Variants in PALD1 observed in about 807,000 individuals in gnomAD.
PALD1 encodes paladin.
Under a neutral mutation model 96.0 loss-of-function variants are expected in PALD1, and 57 were observed. That is an observed-to-expected ratio of 0.59 (90% CI 0.48 to 0.74). The LOEUF is 0.74. PALD1 is among the 30% of genes least tolerant of loss of function. The pLI, the probability that PALD1 is intolerant of heterozygous loss-of-function variation, is 0.00. For synonymous variants in PALD1, 464 were observed against 473.6 expected (o/e 0.98, Z 0.26); for missense variants, 1,063 against 1,143.7 (o/e 0.93, Z 1.02).
rs115135566 is a variant in PALD1 at position 70,531,353 on chromosome 10, G to T, written c.532G>T (p.Val178Leu). ...TTTCCTGCGTGCAGATGAGGACTTT[G>T]TGTCCTACACACCTCGAGACAAGCA... Reference protein sequence around the residue: ...VLFLRADEDFVSYTPRDKQNL... With the variant: ...VLFLRADEDFLSYTPRDKQNL... Residue 178 changes from valine to leucine, a missense_variant, in exon 5 of 20, where the codon GTG becomes TTG. Coordinates refer to ENST00000263563, the MANE Select transcript of PALD1 (RefSeq NM_014431.3). 6.2e-7 allele frequency: 1 copy of T among 1,613,930 alleles called. No individual in the cohort carries two copies. Among genetic ancestry groups the T allele is most frequent in the Non-Finnish European group, 8.5e-7 (1 of 1,179,822 alleles).
chr10:70,520,683 TTC>T (rs1846713469), intron 1 of PALD1, among the ~76,000 whole-genome samples: 3 of 109,820 alleles, frequency 2.7e-5, no homozygotes, highest in South Asian at 6.0e-4. Flanking sequence ...TTTTCTTTCT[TTC>T]TTTTTTTTTT....
At chr10:70,531,490 C>T (rs373470835) in intron 5 of PALD1, 36 bp downstream of exon 5, 1 of 1,580,308 alleles carries the variant, frequency 6.3e-7, no homozygotes, top group African/African-American at 1.4e-5. Flanking sequence ...GACCCCAGCC[C>T]ACAGCCCAGC....
chr10:70,478,048 G>C (rs537223737), upstream of PALD1, among the ~76,000 whole-genome samples: 15 of 152,050 alleles, frequency 9.9e-5, no homozygotes, highest in East Asian at 3.9e-4. Context: ...GGAGTGGTGG[G>C]GGGGGCAGGC....
the PALD1 span, among the ~76,000 whole-genome samples, chr10:70,463,220 C>T: frequency 2.0e-4 from 30 of 152,242 alleles, no homozygotes; most frequent in East Asian, 5.8e-4. Flanking sequence ...CTGGCTAACA[C>T]GGTGAAAACC....
intron 18 of PALD1, among the ~76,000 whole-genome samples, chr10:70,555,192 C>T (rs963344017): frequency 2.0e-5 from 3 of 150,296 alleles, no homozygotes; most frequent in African/African-American, 7.4e-5. Flanking sequence ...CCAGGCTGGT[C>T]TCAAACTCCT....
intron 1 of PALD1, among the ~76,000 whole-genome samples, chr10:70,516,735 A>G (rs902806705): frequency 2.0e-5 from 3 of 150,844 alleles, no homozygotes; most frequent in African/African-American, 7.3e-5. Context: ...TTTTCTTTCT[A>G]TCTTTGGCAG....
At chr10:70,475,729 C>T (rs1016147444), upstream of PALD1, among the ~76,000 whole-genome samples, 6 of 152,146 alleles carry the variant, frequency 3.9e-5, no homozygotes. Context: ...GTTCCCACAG[C>T]TCATGTTTTT....
intron 1 of PALD1, among the ~76,000 whole-genome samples, chr10:70,489,471 GGT>G (rs1352448633): frequency 6.6e-6 from 1 of 152,174 alleles, no homozygotes; most frequent in Non-Finnish European, 1.5e-5. Context: ...AATCCTGTGT[GGT>G]GGTTCCAGGG....
intron 1 of PALD1, among the ~76,000 whole-genome samples, chr10:70,495,652 G>A (rs1424795775): frequency 6.6e-6 from 1 of 152,054 alleles, no homozygotes; most frequent in East Asian, 1.9e-4. Context: ...AAGGGCATAA[G>A]CGTTTTCTCT....
Position 70,539,858 on chromosome 10 carries a change from G to C in PALD1, c.1908+96G>C. On this transcript the variant is annotated intron_variant, in intron 15 of 19. Coordinates refer to ENST00000263563, the MANE Select transcript of PALD1 (RefSeq NM_014431.3). This position sits in a 1 kb window ranked among gnomAD's most constrained non-coding sequence, Gnocchi z 4.5. Reference sequence around the variant, plus strand: ...GCTCTGGGAGAATGAAACGACCCCAGCTTCTCTACGGGGCCCGGGAATGGT... The same window carrying C: ...GCTCTGGGAGAATGAAACGACCCCACCTTCTCTACGGGGCCCGGGAATGGT... 9.0e-7 allele frequency: 1 copy of C among 1,108,270 alleles called. No individual in the cohort carries two copies. Among genetic ancestry groups the C allele is most frequent in the South Asian group, 1.4e-5 (1 of 69,744 alleles). 68.7% of individuals were successfully genotyped at this position (1,108,270 alleles called of 1,614,324 possible).
intron 1 of PALD1, among the ~76,000 whole-genome samples, chr10:70,499,777 G>A (rs1414101054): frequency 6.6e-6 from 1 of 152,208 alleles, no homozygotes; most frequent in Non-Finnish European, 1.5e-5. Context: ...TGATGGGCTG[G>A]TGTGAGCCTA....
chr10:70,498,328 C>T (rs551273468), intron 1 of PALD1, among the ~76,000 whole-genome samples: 27 of 152,260 alleles, frequency 1.8e-4, no homozygotes, highest in South Asian at 6.2e-4. Context: ...AGAGCTAGAG[C>T]GAGCACAGTG....
At position 70,534,470 on chromosome 10, in the gene PALD1, G is replaced by C. The variant is rs752876182; in HGVS notation, c.1068G>C (p.Gln356His). The C allele has an allele frequency of 3.5e-5, 57 of 1,613,060 alleles. No individual in the cohort carries two copies. The South Asian group carries it at 5.4e-4, about 15-fold the overall frequency. Residue 356 changes from glutamine (Q) to histidine (H), a missense_variant, in exon 9 of 20, where the codon CAG becomes CAC. Gln to His is a conservative substitution (Grantham distance 24). Coordinates refer to ENST00000263563, the MANE Select transcript of PALD1 (RefSeq NM_014431.3). ...AGCCCCTGCCTATGGAGCAGTTCCA[G>C]GTGATCCAGAGCTTTCTCCGCATGG... ...QAKPLPMEQF[Q>H]VIQSFLRMVP...
intron 1 of PALD1, among the ~76,000 whole-genome samples, chr10:70,496,274 C>T (rs772628612): frequency 2.6e-5 from 4 of 152,054 alleles, no homozygotes; most frequent in Non-Finnish European, 1.5e-5. Flanking sequence ...TTTATTTTGT[C>T]AATTGAGATC....
intron 1 of PALD1, among the ~76,000 whole-genome samples, chr10:70,504,044 C>T (rs1846343758): frequency 6.6e-6 from 1 of 152,228 alleles, no homozygotes; most frequent in Admixed American, 6.5e-5. Flanking sequence ...CCCGGACCAT[C>T]TGGGCCTCAG....
chr10:70,518,616 A>G (rs1172150242), intron 1 of PALD1, among the ~76,000 whole-genome samples: 1 of 152,202 alleles, frequency 6.6e-6, no homozygotes, highest in Non-Finnish European at 1.5e-5. Context: ...TCTTTTGCCC[A>G]TCTTTACATT....
intron 17 of PALD1, among the ~76,000 whole-genome samples, chr10:70,546,026 C>T (rs1021739681): frequency 6.6e-6 from 1 of 151,884 alleles, no homozygotes; most frequent in African/African-American, 2.4e-5. Flanking sequence ...CACCTGAGGC[C>T]AGGAGTTCAA....
chr10:70,564,596 C>A, intron 19 of PALD1, 77 bp downstream of exon 19: 1 of 1,418,722 alleles, frequency 7.0e-7, no homozygotes, highest in South Asian at 1.3e-5. Context: ...CACTCAGTGC[C>A]TGTACATGGC....
At chr10:70,464,033 C>G in the PALD1 span, among the ~76,000 whole-genome samples, 119,870 of 152,050 alleles carry the variant, frequency 0.79, 48,607 homozygotes, top group Non-Finnish European at 0.9. Context: ...GTCCACGTAA[C>G]CCCTATCCAG....
Sources: gnomAD v4.1 joint callset for allele counts (sites outside exome capture counted in the v4.1 genomes callset) on GRCh38, gnomAD v4.1.1 for gene constraint, Gnocchi (gnomAD v3.1) non-coding constraint, MANE v1.5 for transcripts, NCBI Gene and HGNC (gene_info 2026-07-23, HGNC 2026-07-21) for gene names.